Variants in ADAMTS6 observed in about 807,000 individuals in gnomAD.
ADAMTS6 encodes the protein A disintegrin and metalloproteinase with thrombospondin motifs 6.
In ADAMTS6, 23 loss-of-function variants were observed where a neutral mutation model predicts 144.3. The ratio of observed to expected loss-of-function variants is 0.16; its 90% CI spans 0.11 to 0.23. The LOEUF (loss-of-function observed/expected upper bound fraction) is 0.23. Ranked by LOEUF, ADAMTS6 falls within the 10% of genes least tolerant of loss-of-function variation. The pLI is 1.00. For synonymous variants in ADAMTS6, 444 were observed against 457.5 expected (o/e 0.97, Z 0.38); for missense variants, 999 against 1,379.6 (o/e 0.72, Z 4.37).
intron 3 of ADAMTS6, among the ~76,000 whole-genome samples, chr5:65,469,786 T>A (rs1002776267): frequency 7.2e-5 from 11 of 152,234 alleles, no homozygotes; most frequent in East Asian, 1.9e-4. Flanking sequence ...ACTCGAATTA[T>A]AGTTATTTTA....
intron 7 of ADAMTS6, among the ~76,000 whole-genome samples, chr5:65,447,009 AT>A (rs1287196088): frequency 6.6e-6 from 1 of 152,162 alleles, no homozygotes; most frequent in African/African-American, 2.4e-5. Context: ...TTGGGCTATA[AT>A]TTCTACCCTA....
intron 3 of ADAMTS6, among the ~76,000 whole-genome samples, chr5:65,464,914 C>T (rs921808380): frequency 2.6e-5 from 4 of 152,118 alleles, no homozygotes; most frequent in Non-Finnish European, 4.4e-5. Flanking sequence ...GTCCTTCACC[C>T]ACCTCATGTC....
chr5:65,341,954 A>G (rs917387192), intron 7 of ADAMTS6, among the ~76,000 whole-genome samples: 4 of 152,156 alleles, frequency 2.6e-5, no homozygotes, highest in African/African-American at 9.6e-5. Context: ...AAATAGTGGC[A>G]AACCAAATAC....
chr5:65,262,285 C>A (rs560601903), intron 13 of ADAMTS6, among the ~76,000 whole-genome samples: 1 of 152,210 alleles, frequency 6.6e-6, no homozygotes, highest in Non-Finnish European at 1.5e-5. Flanking sequence ...GGTGGCAGCT[C>A]CGGAAGATGA....
At chr5:65,197,000 C>A (rs1216090304) in intron 21 of ADAMTS6, 22 bp downstream of exon 21, 2 of 1,599,860 alleles carry the variant, frequency 1.3e-6, no homozygotes, top group Non-Finnish European at 1.7e-6. Flanking sequence ...GAAAATAATT[C>A]TCATTTCTTT....
intron 21 of ADAMTS6, among the ~76,000 whole-genome samples, chr5:65,195,797 GATTA>G (rs1300434698): frequency 5.3e-5 from 8 of 152,152 alleles, no homozygotes; most frequent in Non-Finnish European, 1.2e-4. Context: ...ATGTTGGGAT[GATTA>G]ATTAACCAGG....
In ADAMTS6 at chr5:65,339,586, TATAG is replaced by T. The variant is rs201925336; in HGVS notation, c.1074-5505_1074-5502del. On this transcript the variant is annotated intron_variant, in intron 7 of 24. Transcript: ENST00000381055. ...TAATCTTAAGGAAAGTGAGATATAA[TATAG>T]ATAGACAATTTAATGAAATCAGAAC... is the stretch of plus-strand genomic sequence containing the variant. 9.3e-3 allele frequency among the ~76,000 whole-genome samples: 1,411 copies of T among 151,116 alleles called. 10 individuals are homozygous for T. Among genetic ancestry groups the T allele is most frequent in the African/African-American group, 0.011 (456 of 41,184 alleles).
chr5:65,247,012 A>G (rs1187696879), intron 14 of ADAMTS6, among the ~76,000 whole-genome samples: 2 of 152,166 alleles, frequency 1.3e-5, no homozygotes, highest in African/African-American at 4.8e-5. Flanking sequence ...ATAAATGCTG[A>G]CACTATGCAG....
chr5:65,329,510 G>A (rs1338422105), intron 8 of ADAMTS6, 27 bp from the exon 9 acceptor site: 2 of 1,582,464 alleles, frequency 1.3e-6, no homozygotes, highest in Non-Finnish European at 1.7e-6. Flanking sequence ...AGACACAAAG[G>A]GTCAAGCCAA....
At chr5:65,255,364 G>A (rs938689916) in intron 14 of ADAMTS6, among the ~76,000 whole-genome samples, 6 of 151,874 alleles carry the variant, frequency 4.0e-5, no homozygotes, top group East Asian at 1.9e-4. Flanking sequence ...ATTCTGCAGC[G>A]GACACTGCAC....
At chr5:65,157,118 T>C (rs1374669236) in intron 24 of ADAMTS6, among the ~76,000 whole-genome samples, 1 of 152,196 alleles carries the variant, frequency 6.6e-6, no homozygotes, top group Non-Finnish European at 1.5e-5. Flanking sequence ...GGATCCATTA[T>C]TAGAATCTGA....
chr5:65,428,800 A>T (rs1291776626), intron 7 of ADAMTS6, among the ~76,000 whole-genome samples: 1 of 152,218 alleles, frequency 6.6e-6, no homozygotes, highest in African/African-American at 2.4e-5. Context: ...ATGGAAATCA[A>T]GGCTTGCTTT....
At chr5:65,389,511 C>G (rs1422053947) in intron 7 of ADAMTS6, among the ~76,000 whole-genome samples, 1 of 151,870 alleles carries the variant, frequency 6.6e-6, no homozygotes, top group East Asian at 1.9e-4. Flanking sequence ...TATATTTGTA[C>G]ATATTTAAAC....
At chr5:65,296,072 A>G (rs973359585) in intron 10 of ADAMTS6, among the ~76,000 whole-genome samples, 13 of 152,140 alleles carry the variant, frequency 8.5e-5, no homozygotes, top group African/African-American at 3.1e-4. Context: ...TTATACCATA[A>G]AATATGAATT....
At chr5:65,345,927 C>T (rs1748277921) in intron 7 of ADAMTS6, among the ~76,000 whole-genome samples, 1 of 151,906 alleles carries the variant, frequency 6.6e-6, no homozygotes, top group African/African-American at 2.4e-5. Context: ...CACAGTTGTG[C>T]TCATGCCATT....
chr5:65,303,963 C>T (rs1304658469), intron 9 of ADAMTS6, among the ~76,000 whole-genome samples: 2 of 152,006 alleles, frequency 1.3e-5, no homozygotes, highest in African/African-American at 4.8e-5. Context: ...GAAAAATACA[C>T]AATAAGGTAC....
chr5:65,220,531 G>A (rs753027408), intron 18 of ADAMTS6, among the ~76,000 whole-genome samples: 13 of 152,038 alleles, frequency 8.6e-5, no homozygotes, highest in Non-Finnish European at 1.9e-4. Context: ...TGCATCATGA[G>A]GTCAGGAGAT....
rs555385843 is a variant in ADAMTS6 at position 65,184,471 on chromosome 5, G to A, written c.2910+3545C>T. Among the ~76,000 whole-genome samples the A allele has an allele frequency of 1.6e-4, 24 of 152,286 alleles. No individual in the cohort carries two copies. In the South Asian group the frequency reaches 3.5e-3, roughly 22 times the overall value. ...CGTAAGTAATGCTATCTAAACATAC[G>A]TACTATAAAGTCAGTTGAGTAAGAT... is the stretch of plus-strand genomic sequence containing the variant. On this transcript the variant is annotated intron_variant, in intron 22 of 24. Transcript: ENST00000381055.
Position 65,150,984 on chromosome 5 carries a change from C to T in ADAMTS6, c.*852G>A, listed in dbSNP as rs965462924. The T allele has an allele frequency of 1.3e-5, 2 of 152,618 alleles. No homozygotes were observed. The highest frequency in any genetic ancestry group is 1.5e-5 in the Non-Finnish European group (1 of 68,056). 9.5% of individuals were successfully genotyped at this position (152,618 alleles called of 1,614,324 possible). A position where few individuals can be genotyped will look rare whatever the true frequency, so the allele number is the denominator to read the frequency against. On this transcript the variant is annotated 3_prime_UTR_variant, in exon 25 of 25. Coordinates refer to ENST00000381055, the MANE Select transcript of ADAMTS6 (RefSeq NM_197941.4). ...GTGTGGTGGCAGCAAAGGGCCTGGT[C>T]CTTTGGTCTGTACCATACCCCAGGT...
Sources: gnomAD v4.1 joint callset for allele counts (sites outside exome capture counted in the v4.1 genomes callset) on GRCh38, gnomAD v4.1.1 for gene constraint, MANE v1.5 for transcripts, NCBI Gene and HGNC (gene_info 2026-07-23, HGNC 2026-07-21) for gene names.